CPNE8: variants seen among roughly 807,000 people sequenced by gnomAD.
The protein encoded by CPNE8 is copine-8.
In CPNE8, 45 loss-of-function variants were observed where a neutral mutation model predicts 81.5. That is an observed-to-expected ratio of 0.55 (90% CI 0.44 to 0.71). The LOEUF is 0.71. Ranked by LOEUF, CPNE8 falls within the 30% of genes least tolerant of loss-of-function variation. CPNE8 has a pLI of 0.00. For synonymous variants in CPNE8, 252 were observed against 226.3 expected, an observed-to-expected ratio of 1.11 and a Z score of -1.02; for missense variants, 594 against 672.1, an observed-to-expected ratio of 0.88 and a Z score of 1.28.
At position 38,834,697 on chromosome 12, in the gene CPNE8, A is replaced by G. The variant is rs569669223; in HGVS notation, c.330+5219T>C. Reference sequence around the variant, plus strand: ...CATTTAAATGCATAAATCAGATCACATCATCCTCCAGTGATATCCATCCAA... The same window carrying G: ...CATTTAAATGCATAAATCAGATCACGTCATCCTCCAGTGATATCCATCCAA... On this transcript the variant is annotated intron_variant, in intron 5 of 19. Transcript: ENST00000331366. Among the ~76,000 whole-genome samples the G allele has an allele frequency of 1.5e-3, 230 of 152,222 alleles. 1 individual carries two copies. The highest frequency in any genetic ancestry group is 5.2e-3 in the African/African-American group (218 of 41,548).
chr12:38,695,091 A>T (rs1291200134), intron 14 of CPNE8, among the ~76,000 whole-genome samples: 1 of 152,150 alleles, frequency 6.6e-6, no homozygotes, highest in African/African-American at 2.4e-5. Context: ...GTTCCCCTCA[A>T]CTTGACTAAA....
chr12:38,897,242 C>T (rs1459012526), intron 1 of CPNE8, among the ~76,000 whole-genome samples: 1 of 152,054 alleles, frequency 6.6e-6, no homozygotes, highest in Admixed American at 6.6e-5. Context: ...CAGCCAGTAG[C>T]TTAGCCTTGA....
chr12:38,796,923 T>C (rs1473290133), intron 6 of CPNE8, among the ~76,000 whole-genome samples: 3 of 152,092 alleles, frequency 2.0e-5, no homozygotes, highest in Non-Finnish European at 2.9e-5. Context: ...GGGTCCTACG[T>C]CCATGGAGTC....
chr12:38,844,555 G>A (rs371861055), intron 4 of CPNE8, among the ~76,000 whole-genome samples: 2 of 152,038 alleles, frequency 1.3e-5, no homozygotes, highest in Non-Finnish European at 2.9e-5. Flanking sequence ...GGAATTTTAG[G>A]ACTTATAGCC....
intron 6 of CPNE8, among the ~76,000 whole-genome samples, chr12:38,807,530 G>C (rs1038580548): frequency 6.7e-6 from 1 of 150,126 alleles, no homozygotes; most frequent in African/African-American, 2.4e-5. Flanking sequence ...AAATTGTGCT[G>C]GGAAAACTGG....
chr12:38,785,117 C>A (rs1843639), intron 6 of CPNE8, among the ~76,000 whole-genome samples: 43,675 of 151,394 alleles, frequency 0.29, 8,172 homozygotes, highest in Non-Finnish European at 0.41. Context: ...ATCGCTTGAA[C>A]CCAGGAGGAG....
intron 3 of CPNE8, among the ~76,000 whole-genome samples, chr12:38,868,607 A>T (rs1217528343): frequency 6.6e-6 from 1 of 152,114 alleles, no homozygotes; most frequent in African/African-American, 2.4e-5. Flanking sequence ...AGTAACAGTA[A>T]ATGCGCTATA....
intron 6 of CPNE8, among the ~76,000 whole-genome samples, chr12:38,794,058 T>A (rs1942395546): frequency 1.3e-5 from 2 of 151,978 alleles, no homozygotes; most frequent in Non-Finnish European, 2.9e-5. Context: ...TACACAAAAA[T>A]AAACTCAAAT....
chr12:38,796,116 T>A (rs994973852), intron 6 of CPNE8, among the ~76,000 whole-genome samples: 1 of 151,986 alleles, frequency 6.6e-6, no homozygotes, highest in African/African-American at 2.4e-5. Context: ...AACATGGCCA[T>A]CTCTACCAAA....
At chr12:38,695,643 A>G (rs1028352683) in intron 14 of CPNE8, among the ~76,000 whole-genome samples, 4 of 152,178 alleles carry the variant, frequency 2.6e-5, no homozygotes, top group African/African-American at 9.7e-5. Flanking sequence ...AAATACCATT[A>G]CTAGACTAAA....
chr12:38,778,655 T>C (rs1941984813), intron 6 of CPNE8, among the ~76,000 whole-genome samples: 1 of 152,204 alleles, frequency 6.6e-6, no homozygotes, highest in Non-Finnish European at 1.5e-5. Flanking sequence ...TGCTTTCCTA[T>C]TGATGTTAAA....
At chr12:38,680,183 A>G (rs560325237) in intron 16 of CPNE8, among the ~76,000 whole-genome samples, 1 of 151,992 alleles carries the variant, frequency 6.6e-6, no homozygotes, top group Non-Finnish European at 1.5e-5. Flanking sequence ...GATTATTTCT[A>G]TAAAAGTTCA....
intron 6 of CPNE8, among the ~76,000 whole-genome samples, chr12:38,777,815 G>A (rs1271667958): frequency 6.6e-6 from 1 of 152,178 alleles, no homozygotes; most frequent in African/African-American, 2.4e-5. Context: ...CGAGATGAGT[G>A]GCAGGCACCA....
At chr12:38,753,862 T>C (rs978421129) in intron 10 of CPNE8, among the ~76,000 whole-genome samples, 1 of 152,158 alleles carries the variant, frequency 6.6e-6, no homozygotes, top group Non-Finnish European at 1.5e-5. Flanking sequence ...CGTCAGTATG[T>C]ACGTATAAGA....
intron 6 of CPNE8, among the ~76,000 whole-genome samples, chr12:38,803,398 G>C (rs1430802090): frequency 1.3e-5 from 2 of 148,938 alleles, no homozygotes; most frequent in Admixed American, 1.4e-4. Context: ...CACAACCAAA[G>C]ACAAAAACCA....
intron 10 of CPNE8, 141 bp from the exon 11 acceptor site, chr12:38,730,499 T>C (rs1389795923): frequency 2.1e-6 from 1 of 471,752 alleles, no homozygotes; most frequent in African/African-American, 2.0e-5. Flanking sequence ...TACAAAATAT[T>C]TAAAAGGACT....
intron 15 of CPNE8, 39 bp from the exon 16 acceptor site, chr12:38,685,656 TA>T: frequency 6.3e-7 from 1 of 1,589,792 alleles, no homozygotes; most frequent in Non-Finnish European, 8.6e-7. Flanking sequence ...AAAACAACAG[TA>T]AAAAAGTAAA....
At chr12:38,797,421 G>C (rs12427042) in intron 6 of CPNE8, among the ~76,000 whole-genome samples, 2 of 152,068 alleles carry the variant, frequency 1.3e-5, no homozygotes, top group Non-Finnish European at 2.9e-5. Context: ...ACACGGCTGC[G>C]GATACCCAGG....
At chr12:38,741,515 T>C (rs1051203097) in intron 10 of CPNE8, among the ~76,000 whole-genome samples, 2 of 152,156 alleles carry the variant, frequency 1.3e-5, no homozygotes, top group South Asian at 2.1e-4. Flanking sequence ...CCTTACACCT[T>C]ATACAAAAAT....
Sources: allele counts gnomAD v4.1 joint callset (sites outside exome capture counted in the v4.1 genomes callset), GRCh38; gene constraint gnomAD v4.1.1; transcripts MANE v1.5; gene names NCBI Gene and HGNC (gene_info 2026-07-23, HGNC 2026-07-21).